Variants in CDK15 observed in about 807,000 individuals in gnomAD.
CDK15 encodes the protein cyclin dependent kinase 15.
In CDK15, 62 loss-of-function variants were observed where a neutral mutation model predicts 60.3. The ratio of observed to expected loss-of-function variants is 1.03; its 90% confidence interval spans 0.84 to 1.27. The LOEUF (loss-of-function observed/expected upper bound fraction) is 1.27. CDK15 is among the 50% of genes most tolerant of loss of function. The pLI is 0.00. For synonymous variants in CDK15, 194 were observed against 195.7 expected (o/e 0.99, Z 0.07); for missense variants, 541 against 527.8 (o/e 1.03, Z -0.25).
At chr2:201,816,454 G>GGTTT (rs1695995115) in intron 4 of CDK15, among the ~76,000 whole-genome samples, 2 of 84,248 alleles carry the variant, frequency 2.4e-5, no homozygotes, top group African/African-American at 4.7e-5. Flanking sequence ...CTAAGGAAAT[G>GGTTT]GTTTTTTTTT....
Position 201,854,166 on chromosome 2 carries a change from TC to T in CDK15, c.946-706del, listed in dbSNP as rs201248865. On this transcript the variant is annotated intron_variant, in intron 9 of 13. Transcript: ENST00000652192. ...TCCAGCCTGGGCGACAGAGCGAGAC[TC>T]CGTCTCAAAAAAAAAAAACATCGGT... Among the ~76,000 whole-genome samples the T allele has an allele frequency of 6.7e-3, 1,020 of 151,620 alleles. 13 individuals carry two copies. The highest frequency in any genetic ancestry group is 0.024 in the African/African-American group (983 of 41,306).
intron 9 of CDK15, chr2:201,854,634 G>A (rs1211775539): frequency 3.9e-6 from 2 of 510,004 alleles, no homozygotes; most frequent in Admixed American, 3.2e-5. Flanking sequence ...CTCAGAACAA[G>A]TGAGTCAGTA....
rs565493095 is a variant in CDK15 at position 201,880,272 on chromosome 2, G to A, written c.1198+105G>A. On this transcript the variant is annotated intron_variant, in intron 12 of 13. Coordinates refer to ENST00000652192, the MANE Select transcript of CDK15 (RefSeq NM_001366386.2). ...TTTGCCTCAGCACCGGAGAATCATA[G>A]CATTTACCCCCAGGAGTGAAGTTAG... 3.7e-6 allele frequency: 5 copies of A among 1,333,976 alleles called. No individual in the cohort carries two copies. In the African/African-American group the frequency reaches 5.8e-5, roughly 16 times the overall value. The allele number at this position is 1,333,976 out of a possible 1,614,324, so 82.6% of individuals were successfully genotyped here.
intron 8 of CDK15, among the ~76,000 whole-genome samples, chr2:201,841,489 C>T (rs1325994478): frequency 6.6e-6 from 1 of 152,170 alleles, no homozygotes; most frequent in East Asian, 1.9e-4. Flanking sequence ...AGATCCCTCT[C>T]CTCCCATTTT....
At position 201,888,714 on chromosome 2, in the gene CDK15, GTCTC is replaced by G. The variant is rs533911769; in HGVS notation, c.1199-2060_1199-2057del. 26 of 1,265,266 alleles carry G rather than the reference GTCTC, an allele frequency of 2.1e-5. No individual in the cohort carries two copies. The East Asian group carries it at 5.0e-4, about 24-fold the overall frequency. 78.4% of individuals were successfully genotyped at this position (1,265,266 alleles called of 1,614,324 possible). A position where few individuals can be genotyped will look rare whatever the true frequency, so the allele number is the denominator to read the frequency against. On this transcript the variant is annotated intron_variant, in intron 12 of 13. Coordinates refer to ENST00000652192, the MANE Select transcript of CDK15 (RefSeq NM_001366386.2). ...TTCCCAGCATGTTCTGCCAGATAGT[GTCTC>G]TCTCTCTCTCCCTCCCTCCCTGCTT... is the stretch of plus-strand genomic sequence containing the variant.
chr2:201,822,533 T>C (rs978534015), intron 4 of CDK15, among the ~76,000 whole-genome samples: 6 of 152,252 alleles, frequency 3.9e-5, no homozygotes, highest in African/African-American at 7.2e-5. Context: ...TTTAGTGCTC[T>C]GAGTGCTTTG....
At chr2:201,883,383 A>G (rs1242628719) in intron 12 of CDK15, among the ~76,000 whole-genome samples, 1 of 152,168 alleles carries the variant, frequency 6.6e-6, no homozygotes, top group Non-Finnish European at 1.5e-5. Flanking sequence ...ATTCCACACA[A>G]AATGAAAGAA....
At chr2:201,893,185 C>A (rs1347313799) in intron 13 of CDK15, 116 bp from the exon 14 acceptor site, 1 of 152,154 alleles carries the variant, frequency 6.6e-6, no homozygotes, top group East Asian at 1.9e-4. Context: ...TTATCATTAC[C>A]TTTTCTATCA....
At position 201,833,934 on chromosome 2, in the gene CDK15, C is replaced by T. The variant is rs752302088; in HGVS notation, c.693C>T (p.Leu231=). The change falls in exon 7 of 14, where the codon CTC becomes CTT. Residue 231 remains leucine, a synonymous_variant. Transcript: ENST00000652192. ...LHRDLKPQNL[L]ISHLGELKLA... The stretch of plus-strand genomic sequence containing the variant: ...GGGACCTGAAACCTCAGAACTTACT[C>T]ATCAGTCACCTGGGAGAGCTCAAAC... The T allele has an allele frequency of 3.7e-6, 6 of 1,613,964 alleles. No homozygotes were observed. The highest frequency in any genetic ancestry group is 5.1e-6 in the Non-Finnish European group (6 of 1,179,954).
intron 4 of CDK15, among the ~76,000 whole-genome samples, chr2:201,819,929 A>T (rs1349587794): frequency 6.6e-6 from 1 of 152,214 alleles, no homozygotes; most frequent in Non-Finnish European, 1.5e-5. Context: ...CATGAAGTTT[A>T]TACCCAGTAT....
chr2:201,833,145 T>C (rs527753283), intron 6 of CDK15, among the ~76,000 whole-genome samples: 3 of 149,204 alleles, frequency 2.0e-5, no homozygotes, highest in African/African-American at 7.3e-5. Context: ...TCTCCACCAC[T>C]ACCATTTACC....
intron 4 of CDK15, among the ~76,000 whole-genome samples, chr2:201,818,538 A>G (rs11681806): frequency 0.57 from 86,122 of 151,972 alleles, 27,318 homozygotes; most frequent in Admixed American, 0.71. Flanking sequence ...AGAAAGAAAG[A>G]CCTTGTCTTC....
chr2:201,839,975 TG>T (rs1333316691), intron 8 of CDK15, among the ~76,000 whole-genome samples: 2 of 95,616 alleles, frequency 2.1e-5, no homozygotes, highest in Non-Finnish European at 2.2e-5. Flanking sequence ...GTTTTTTTTT[TG>T]TTTTTGTTTT....
chr2:201,850,745 A>G (rs144066829), intron 9 of CDK15, among the ~76,000 whole-genome samples: 89 of 152,260 alleles, frequency 5.8e-4, no homozygotes, highest in Admixed American at 2.9e-3. Flanking sequence ...TGCTATTTGC[A>G]TGCCCACCAT....
At chr2:201,816,762 T>A (rs1237701280) in intron 4 of CDK15, among the ~76,000 whole-genome samples, 2 of 152,060 alleles carry the variant, frequency 1.3e-5, no homozygotes, top group Non-Finnish European at 2.9e-5. Context: ...AATTTAGGAC[T>A]AGCCAAAACA....
At chr2:201,807,753 G>A (rs1175273801) in intron 2 of CDK15, 105 bp from the exon 3 acceptor site, 3 of 1,550,204 alleles carry the variant, frequency 1.9e-6, no homozygotes, top group Non-Finnish European at 2.6e-6. Context: ...AGTCTGCTCT[G>A]GCAATGCTGT....
intron 12 of CDK15, chr2:201,888,397 A>G: frequency 6.5e-7 from 1 of 1,527,626 alleles, no homozygotes; most frequent in Non-Finnish European, 8.7e-7. Flanking sequence ...GACTGTCTAG[A>G]TGACTGAATT....
At chr2:201,827,282 C>CA (rs1285880185) in intron 6 of CDK15, among the ~76,000 whole-genome samples, 3 of 152,070 alleles carry the variant, frequency 2.0e-5, no homozygotes, top group Non-Finnish European at 4.4e-5. Context: ...CTCATCTCTA[C>CA]AAAAAATTTA....
chr2:201,891,501 C>T (rs1390182429), intron 13 of CDK15, among the ~76,000 whole-genome samples: 2 of 152,158 alleles, frequency 1.3e-5, no homozygotes, highest in African/African-American at 2.4e-5. Flanking sequence ...ATGCTCAGTA[C>T]TAGAATTGGT....
Sources: gnomAD v4.1 joint callset for allele counts (sites outside exome capture counted in the v4.1 genomes callset) on GRCh38, gnomAD v4.1.1 for gene constraint, MANE v1.5 for transcripts, NCBI Gene and HGNC (gene_info 2026-07-23, HGNC 2026-07-21) for gene names.